The following ROBO2 variants were observed in gnomAD, a reference collection of about 807,000 sequenced individuals.
The protein encoded by ROBO2 is roundabout guidance receptor 2, also known as roundabout homolog 2.
ROBO2 carries 53 observed loss-of-function variants against 160.8 expected under a neutral mutation model. The ratio of observed to expected loss-of-function variants is 0.33; its 90% CI spans 0.26 to 0.41. The LOEUF is 0.41. ROBO2 is among the 10% of genes least tolerant of loss of function. The pLI, the probability that ROBO2 is intolerant of heterozygous loss-of-function variation, is 1.00. For missense variants in ROBO2, 1,577 were observed against 1,722.4 expected (o/e 0.92, Z 1.49); for synonymous variants, 664 against 611.7 (o/e 1.09, Z -1.26).
At chr3:77,195,612 A>G (rs189689414) in intron 2 of ROBO2, among the ~76,000 whole-genome samples, 1 of 152,354 alleles carries the variant, frequency 6.6e-6, no homozygotes, top group Admixed American at 6.5e-5. Context: ...TGTCTTATCT[A>G]TATTAATAAA....
chr3:76,485,342 T>C lies in ROBO2; in HGVS notation c.109+547740T>C, dbSNP rs141763016. ...AATGCGCAGTCCACAATAGGGTTCA[T>C]GCCCCTGTGAGAATCTAATGCTGCC... On this transcript the variant is annotated intron_variant, in intron 2 of 26. Transcript: ENST00000487694. 3.8e-3 allele frequency among the ~76,000 whole-genome samples: 581 copies of C among 152,134 alleles called. 3 individuals are homozygous for C. Among genetic ancestry groups the C allele is most frequent in the African/African-American group, 0.013 (543 of 41,518 alleles).
At position 77,135,567 on chromosome 3, in the gene ROBO2, A is replaced by AT. The variant is rs561382499; in HGVS notation, c.388+37240dup. ...AGGCATGTGCCACCATATCCGGCTA[A>AT]TTTTTTTTTTTTTGTATTTTTAGTA... On this transcript the variant is annotated intron_variant, in intron 2 of 25. Coordinates refer to ENST00000461745, the Ensembl canonical transcript of ROBO2. Among the ~76,000 whole-genome samples, 1,071 of 145,116 alleles carry AT rather than the reference A, an allele frequency of 7.4e-3. 9 individuals carry two copies. The highest frequency in any genetic ancestry group is 0.019 in the African/African-American group (776 of 39,812).
chr3:77,147,838 GAGA>G (rs2077236449), intron 2 of ROBO2, among the ~76,000 whole-genome samples: 2 of 152,082 alleles, frequency 1.3e-5, no homozygotes, highest in African/African-American at 4.8e-5. Context: ...AGAAATCAGG[GAGA>G]AGATCTGGCA....
At chr3:77,296,557 G>A (rs1214684466) in intron 2 of ROBO2, among the ~76,000 whole-genome samples, 2 of 151,994 alleles carry the variant, frequency 1.3e-5, no homozygotes, top group African/African-American at 4.8e-5. Flanking sequence ...ACTGATACCC[G>A]AGTCCCATGT....
intron 2 of ROBO2, among the ~76,000 whole-genome samples, chr3:76,884,212 A>C (rs1383646535): frequency 6.6e-6 from 1 of 152,224 alleles, no homozygotes; most frequent in Non-Finnish European, 1.5e-5. Flanking sequence ...AAATAAGTAG[A>C]AATATCCCCT....
chr3:77,453,903 A>G (rs1032326251), intron 2 of ROBO2, among the ~76,000 whole-genome samples: 2 of 152,180 alleles, frequency 1.3e-5, no homozygotes, highest in Non-Finnish European at 2.9e-5. Flanking sequence ...AGAACAGTGA[A>G]GAAAGATCAT....
intron 2 of ROBO2, among the ~76,000 whole-genome samples, chr3:77,012,537 A>C (rs1212850624): frequency 6.6e-6 from 1 of 152,190 alleles, no homozygotes; most frequent in Non-Finnish European, 1.5e-5. Flanking sequence ...CTTGATGATG[A>C]GAATATCAGC....
At chr3:76,506,832 C>T (rs991818448) in intron 2 of ROBO2, among the ~76,000 whole-genome samples, 2 of 152,066 alleles carry the variant, frequency 1.3e-5, no homozygotes, top group Admixed American at 6.6e-5. Context: ...GAAGGTAAGA[C>T]TGAATGTGGA....
intron 2 of ROBO2, among the ~76,000 whole-genome samples, chr3:75,986,581 C>T (rs1175292048): frequency 6.6e-6 from 1 of 151,308 alleles, no homozygotes; most frequent in Non-Finnish European, 1.5e-5. Context: ...TCTCTTGTTG[C>T]CTGTGCCTTT....
intron 2 of ROBO2, among the ~76,000 whole-genome samples, chr3:76,551,522 G>A (rs1055770389): frequency 2.6e-5 from 4 of 152,108 alleles, no homozygotes; most frequent in Non-Finnish European, 5.9e-5. Context: ...AAACAGGGCT[G>A]AAACACGCCC....
chr3:76,052,313 A>G (rs2067682655), intron 2 of ROBO2, among the ~76,000 whole-genome samples: 1 of 152,066 alleles, frequency 6.6e-6, no homozygotes, highest in African/African-American at 2.4e-5. Flanking sequence ...AGCATCAAAT[A>G]TGTATGCTAG....
chr3:77,544,997 C>T (rs1029611513), intron 6 of ROBO2, among the ~76,000 whole-genome samples: 5 of 151,904 alleles, frequency 3.3e-5, no homozygotes, highest in African/African-American at 9.7e-5. Flanking sequence ...AGGATTTTTA[C>T]CCCCATCCCT....
chr3:76,593,311 T>C (rs1471789451), intron 2 of ROBO2, among the ~76,000 whole-genome samples: 2 of 152,060 alleles, frequency 1.3e-5, no homozygotes, highest in African/African-American at 2.4e-5. Context: ...ATCATCAAGA[T>C]TGGCTAATGA....
chr3:76,267,050 G>T (rs1377644295), intron 2 of ROBO2, among the ~76,000 whole-genome samples: 1 of 152,078 alleles, frequency 6.6e-6, no homozygotes, highest in Non-Finnish European at 1.5e-5. Flanking sequence ...TGTTCCTTAG[G>T]TTGATGGTTA....
intron 2 of ROBO2, among the ~76,000 whole-genome samples, chr3:76,350,721 T>C (rs1341829630): frequency 6.6e-6 from 1 of 151,970 alleles, no homozygotes; most frequent in Non-Finnish European, 1.5e-5. Flanking sequence ...TTGAAAAATT[T>C]TTAAAAGACT....
At chr3:76,254,096 A>T (rs930794732) in intron 2 of ROBO2, among the ~76,000 whole-genome samples, 2 of 152,052 alleles carry the variant, frequency 1.3e-5, no homozygotes, top group African/African-American at 4.8e-5. Flanking sequence ...CTTTAGTAGG[A>T]GTAGTTTTTT....
At chr3:76,252,486 A>T (rs1405118307) in intron 2 of ROBO2, among the ~76,000 whole-genome samples, 1 of 152,052 alleles carries the variant, frequency 6.6e-6, no homozygotes, top group South Asian at 2.1e-4. Context: ...TATTTAGTTG[A>T]TCAATGCTAG....
chr3:76,652,226 G>C (rs971195008), intron 2 of ROBO2, among the ~76,000 whole-genome samples: 6 of 152,182 alleles, frequency 3.9e-5, no homozygotes, highest in Non-Finnish European at 5.9e-5. Flanking sequence ...GGTAGTAGCT[G>C]TACCCACAAA....
At chr3:76,545,512 G>A (rs17738481) in intron 2 of ROBO2, among the ~76,000 whole-genome samples, 5,362 of 151,968 alleles carry the variant, frequency 0.035, 150 homozygotes, top group Non-Finnish European at 0.053. Context: ...CCTTGAGCCT[G>A]AAGAATTATG....
Sources: gnomAD v4.1 joint callset for allele counts (sites outside exome capture counted in the v4.1 genomes callset) on GRCh38, gnomAD v4.1.1 for gene constraint, MANE v1.5 for transcripts, NCBI Gene and HGNC (gene_info 2026-07-23, HGNC 2026-07-21) for gene names.